ZNF619: variants seen among roughly 807,000 people sequenced by gnomAD.
ZNF619 encodes the protein zinc finger protein 619.
ZNF619 carries 9 observed loss-of-function variants against 14.2 expected under a neutral mutation model. The observed-to-expected ratio is 0.64, with a 90% confidence interval of 0.38 to 1.11. ZNF619 has a LOEUF of 1.11. Among genes scored for constraint, ZNF619 ranks in the 50% least tolerant of loss-of-function variants. The pLI, the probability that ZNF619 is intolerant of heterozygous loss-of-function variation, is 0.01. For missense variants in ZNF619, 659 were observed against 680.1 expected, an observed-to-expected ratio of 0.97 and a Z score of 0.34; for synonymous variants, 246 against 252.8, an observed-to-expected ratio of 0.97 and a Z score of 0.26.
chr3:40,477,652 T>A, intron 1 of ZNF619: 1 of 341,062 alleles, frequency 2.9e-6, no homozygotes, highest in East Asian at 6.3e-5. Flanking sequence ...GGCCAAGAAT[T>A]TTTTTTAAAA....
In ZNF619 at chr3:40,477,899, C is replaced by T. The variant is rs1287759186; in HGVS notation, c.-62-19C>T. ...TGTAGGAGACGAGACAGATCAGTCT[C>T]ATTGTGGTTCTCTCTTAGCTCCGCA... is the stretch of plus-strand genomic sequence containing the variant. On this transcript the variant is annotated intron_variant, in intron 1 of 4. Transcript: ENST00000432264. 4 of 1,370,490 alleles carry T rather than the reference C, an allele frequency of 2.9e-6. No homozygotes were observed. The highest frequency in any genetic ancestry group is 4.0e-5 in the Admixed American group (2 of 50,582). The allele number at this position is 1,370,490 out of a possible 1,614,324, so 84.9% of individuals were successfully genotyped here. A position where few individuals can be genotyped will look rare whatever the true frequency, so the allele number is the denominator to read the frequency against.
chr3:40,483,010 G>A (rs1165559788), intron 4 of ZNF619, among the ~76,000 whole-genome samples: 4 of 152,142 alleles, frequency 2.6e-5, no homozygotes. Context: ...AAGAGTTCAA[G>A]ACCAGCCCGA....
At chr3:40,482,118 C>A in intron 3 of ZNF619, 102 bp downstream of exon 3, 1 of 1,545,208 alleles carries the variant, frequency 6.5e-7, no homozygotes, top group Non-Finnish European at 8.7e-7. Flanking sequence ...AGAATTGATG[C>A]CCTATGGGCT....
In ZNF619 at chr3:40,482,094, T is replaced by C. The variant is rs774615790; in HGVS notation, c.178+78T>C. The C allele has an allele frequency of 4.0e-5, 62 of 1,546,022 alleles. 1 individual carries two copies. The South Asian group carries it at 6.9e-4, about 17-fold the overall frequency. ...ATTCCTCCTTAGCAGAACTAGGATCTCTTTAATACCATCAGAATTGATGCC... is the reference window on the plus strand; with the variant it reads ...ATTCCTCCTTAGCAGAACTAGGATCCCTTTAATACCATCAGAATTGATGCC... On this transcript the variant is annotated intron_variant, in intron 3 of 4. Coordinates refer to ENST00000432264, the MANE Select transcript of ZNF619 (RefSeq NM_001145093.4).
At chr3:40,478,991 A>G (rs1044394855) in intron 2 of ZNF619, among the ~76,000 whole-genome samples, 4 of 152,182 alleles carry the variant, frequency 2.6e-5, no homozygotes, top group African/African-American at 7.2e-5. Context: ...CCCAAATGAC[A>G]GTGGATTAAA....
intron 4 of ZNF619, among the ~76,000 whole-genome samples, chr3:40,486,003 T>C (rs1697567832): frequency 6.6e-6 from 1 of 152,198 alleles, no homozygotes; most frequent in African/African-American, 2.4e-5. Context: ...AGGCTTGTGA[T>C]AGAGAACTAG....
At chr3:40,484,406 G>A (rs1277362617) in intron 4 of ZNF619, among the ~76,000 whole-genome samples, 1 of 152,212 alleles carries the variant, frequency 6.6e-6, no homozygotes, top group Non-Finnish European at 1.5e-5. Context: ...TAAATGTAAA[G>A]ACCAATCAGA....
chr3:40,484,962 T>C (rs1697531905), intron 4 of ZNF619, among the ~76,000 whole-genome samples: 1 of 152,190 alleles, frequency 6.6e-6, no homozygotes, highest in Admixed American at 6.5e-5. Context: ...TGTGCATTTC[T>C]TTTTCTTTTT....
intron 1 of ZNF619, 139 bp from the exon 2 acceptor site, chr3:40,477,779 C>A: frequency 1.7e-6 from 1 of 574,546 alleles, no homozygotes; most frequent in Admixed American, 3.0e-5. Context: ...TTTGCAACAT[C>A]CCATGAATCA....
rs1427480556 is a variant in ZNF619 at position 40,489,004 on chromosome 3, G to A, written c.*763G>A. On this transcript the variant is annotated 3_prime_UTR_variant, in exon 5 of 5. Transcript: ENST00000432264. Reference sequence around the variant, plus strand: ...GGCCATTTGGTGGACCAGGGGCAAGGCTCACTGAAAGAATGTAAGACTTGG... The same window carrying A: ...GGCCATTTGGTGGACCAGGGGCAAGACTCACTGAAAGAATGTAAGACTTGG... 4 of 152,078 alleles carry A rather than the reference G, an allele frequency of 2.6e-5. No homozygotes were observed. The highest frequency in any genetic ancestry group is 7.2e-5 in the African/African-American group (3 of 41,392). 9.4% of individuals were successfully genotyped at this position (152,078 alleles called of 1,614,324 possible).
intron 2 of ZNF619, 69 bp from the exon 3 acceptor site, chr3:40,481,794 C>A: frequency 6.5e-7 from 1 of 1,538,094 alleles, no homozygotes; most frequent in South Asian, 1.3e-5. Context: ...CCATGGGGCT[C>A]AGTGCCATGG....
Position 40,488,168 on chromosome 3 carries a change from A to C in ZNF619, c.1658A>C (p.His553Pro), listed in dbSNP as rs371436985. ...KANPSPVQIA[H>P]FFQDLAFPGK... The stretch of plus-strand genomic sequence containing the variant: ...AACCCTTCACCTGTCCAAATAGCAC[A>C]TTTTTTTCAGGATCTCGCTTTTCCT... The change falls in exon 5 of 5, where the codon CAT (histidine) becomes CCT (proline). Residue 553 changes from histidine (H) to proline (P), a missense_variant. Transcript: ENST00000432264. The C allele has an allele frequency of 6.2e-7, 1 of 1,612,908 alleles. No individual in the cohort carries two copies. The highest frequency in any genetic ancestry group is 1.3e-5 in the African/African-American group (1 of 74,690).
chr3:40,479,970 G>A (rs1697329703), intron 2 of ZNF619, among the ~76,000 whole-genome samples: 1 of 152,202 alleles, frequency 6.6e-6, no homozygotes, highest in South Asian at 2.1e-4. Flanking sequence ...ATAGAAGGGA[G>A]TCAATAGCCC....
rs149410373 is a variant in ZNF619, at chr3:40,486,633, G to A, written c.296-173G>A. Among the ~76,000 whole-genome samples, 67 of 151,992 alleles carry A rather than the reference G, an allele frequency of 4.4e-4. 1 individual carries two copies. The highest frequency in any genetic ancestry group is 1.0e-3 in the Admixed American group (16 of 15,280). On this transcript the variant is annotated intron_variant, in intron 4 of 4. Transcript: ENST00000432264. Reference sequence around the variant, plus strand: ...GGAGAATCACTTGAACCTGGGATGCGGAGGTTGTGGTGAGCCGAGATCATG... The same window carrying A: ...GGAGAATCACTTGAACCTGGGATGCAGAGGTTGTGGTGAGCCGAGATCATG...
At position 40,487,707 on chromosome 3, in the gene ZNF619, C is replaced by G; in HGVS notation, c.1197C>G (p.Leu399=). ...AGAGGTTCCACACTGGGGAACAACT[C>G]TACAAATGTAATGAATGTTGGAAAA... The part of the protein sequence containing the change: ...QHQRFHTGEQ[L]YKCNECWKTF... The change falls in exon 5 of 5, where the codon CTC becomes CTG. Residue 399 remains leucine, a synonymous_variant. Transcript: ENST00000432264. The G allele has an allele frequency of 6.2e-7, 1 of 1,614,114 alleles. No homozygotes were observed. The highest frequency in any genetic ancestry group is 2.2e-5 in the East Asian group (1 of 44,880).
chr3:40,482,135 C>T, intron 3 of ZNF619, 119 bp downstream of exon 3: 1 of 1,550,824 alleles, frequency 6.4e-7, no homozygotes, highest in South Asian at 1.2e-5. Context: ...GGCTGAGCTC[C>T]CTAATCCCCA....
At chr3:40,480,927 C>T (rs888689556) in intron 2 of ZNF619, among the ~76,000 whole-genome samples, 6 of 152,160 alleles carry the variant, frequency 3.9e-5, no homozygotes. Flanking sequence ...TTTAATGGGA[C>T]TAATTTATAT....
In ZNF619 at chr3:40,487,877, A is replaced by G. The variant is rs1031523206; in HGVS notation, c.1367A>G (p.Tyr456Cys). 1.9e-6 allele frequency: 3 copies of G among 1,614,188 alleles called. No individual in the cohort carries two copies. The highest frequency in any genetic ancestry group is 1.7e-5 in the Admixed American group (1 of 60,026). Residue 456 changes from tyrosine to cysteine, a missense_variant, in exon 5 of 5, where the codon TAT becomes TGT. Transcript: ENST00000432264. The stretch of plus-strand genomic sequence containing the variant: ...CGAGTTCACACTGGGGAGAAACCTT[A>G]TGAGTGTAAGGAGTGCGGGAAAGCC... ...HQRVHTGEKP[Y>C]ECKECGKAFR...
chr3:40,486,986 A>AT lies in ZNF619; in HGVS notation c.478dup (p.Cys160LeufsTer10), dbSNP rs1407822569. ...ACAGGGAATAAAACAAAGATAGGGG[A>AT]TTGCACAGATTTGACAGTCCAGGAT... On this transcript the variant is annotated frameshift_variant, in exon 5 of 5. Transcript: ENST00000432264. LOFTEE classifies it low-confidence loss of function (END_TRUNC). The AT allele has an allele frequency of 6.2e-7, 1 of 1,614,206 alleles. No homozygotes were observed. Among genetic ancestry groups the AT allele is most frequent in the East Asian group, 2.2e-5 (1 of 44,880 alleles).
Sources: gnomAD v4.1 joint callset for allele counts (sites outside exome capture counted in the v4.1 genomes callset) on GRCh38, gnomAD v4.1.1 for gene constraint, MANE v1.5 for transcripts, NCBI Gene and HGNC (gene_info 2026-07-23, HGNC 2026-07-21) for gene names.